DIP2C: variants seen among roughly 807,000 people sequenced by gnomAD.
DIP2C encodes the protein DIP2 acetate--CoA ligase C (putative).
Under a neutral mutation model 192.4 loss-of-function variants are expected in DIP2C, and 33 were observed. That is an observed-to-expected ratio of 0.17 (90% CI 0.13 to 0.23). The LOEUF (loss-of-function observed/expected upper bound fraction) is 0.23, where lower values mean the gene tolerates loss of function less well. Ranked by LOEUF, DIP2C falls within the 10% of genes least tolerant of loss-of-function variation. The pLI is 1.00. For missense variants in DIP2C, 1,537 were observed against 2,110.1 expected (o/e 0.73, Z 5.32); for synonymous variants, 979 against 864.1 (o/e 1.13, Z -2.33).
At chr10:615,854 A>C (rs1853437847) in intron 1 of DIP2C, among the ~76,000 whole-genome samples, 1 of 152,184 alleles carries the variant, frequency 6.6e-6, no homozygotes, top group African/African-American at 2.4e-5. Context: ...GGGCTTTAGG[A>C]AACGACACGC....
At chr10:657,204 G>A (rs1370494148) in intron 1 of DIP2C, among the ~76,000 whole-genome samples, 6 of 116,578 alleles carry the variant, frequency 5.1e-5, no homozygotes, top group Admixed American at 9.1e-5. Context: ...TGGACCTGCC[G>A]CTGGACTTGA....
At chr10:535,838 T>G (rs1281042963) in intron 1 of DIP2C, among the ~76,000 whole-genome samples, 1 of 152,242 alleles carries the variant, frequency 6.6e-6, no homozygotes, top group East Asian at 1.9e-4. Flanking sequence ...TCACATTTGC[T>G]CTTGCAGTGT....
chr10:484,696 G>T, intron 2 of DIP2C: 1 of 1,499,590 alleles, frequency 6.7e-7, no homozygotes, highest in South Asian at 1.3e-5. Flanking sequence ...CACCCTACAC[G>T]TCTGTACGGG....
At chr10:663,211 A>T (rs1453920721) in intron 1 of DIP2C, 3 of 349,736 alleles carry the variant, frequency 8.6e-6, no homozygotes, top group Non-Finnish European at 1.5e-5. Flanking sequence ...ATGGTACAAG[A>T]AAGCAAGGAT....
At chr10:463,307 G>C (rs892501879) in intron 3 of DIP2C, among the ~76,000 whole-genome samples, 1 of 152,076 alleles carries the variant, frequency 6.6e-6, no homozygotes, top group African/African-American at 2.4e-5. Context: ...AAAGTCTCAG[G>C]ATACAAAATC....
At chr10:515,757 G>A (rs1462518715) in intron 1 of DIP2C, among the ~76,000 whole-genome samples, 2 of 151,994 alleles carry the variant, frequency 1.3e-5, no homozygotes, top group African/African-American at 4.8e-5. Context: ...AAAGCCTTCA[G>A]AAAAAGCTAT....
chr10:403,649 T>C (rs1964578864), intron 9 of DIP2C, among the ~76,000 whole-genome samples: 1 of 137,160 alleles, frequency 7.3e-6, no homozygotes, highest in Non-Finnish European at 1.6e-5. Context: ...TATGGACAAG[T>C]TTGGTATGTG....
chr10:546,871 T>C (rs1848311335), intron 1 of DIP2C, among the ~76,000 whole-genome samples: 1 of 152,262 alleles, frequency 6.6e-6, no homozygotes, highest in Non-Finnish European at 1.5e-5. Context: ...TAATATTCAC[T>C]GGAAAGCTCC....
Position 625,506 on chromosome 10 carries a change from C to T in DIP2C, c.85+63988G>A, listed in dbSNP as rs368631317. Among the ~76,000 whole-genome samples the T allele has an allele frequency of 1.0e-3, 157 of 152,196 alleles. 1 individual carries two copies. Among genetic ancestry groups the T allele is most frequent in the African/African-American group, 3.0e-3 (124 of 41,526 alleles). The stretch of plus-strand genomic sequence containing the variant: ...CTCTGCCTTTCTGCAGGCTCCCCTA[C>T]GGGGAGCCTGCCCTGTGGCCTCGGT... On this transcript the variant is annotated intron_variant, in intron 1 of 36. Transcript: ENST00000280886.
intron 1 of DIP2C, among the ~76,000 whole-genome samples, chr10:568,782 AAAAAAAAAAAAAAAAAC>A (rs1236539282): frequency 2.4e-4 from 35 of 146,644 alleles, no homozygotes; most frequent in Non-Finnish European, 3.4e-4. Flanking sequence ...AAAAAAAAAA[AAAAAAAAAAAAAAAAAC>A]CTTCACTTGA....
At chr10:467,144 CAAT>C (rs1295734808) in intron 3 of DIP2C, among the ~76,000 whole-genome samples, 8 of 151,992 alleles carry the variant, frequency 5.3e-5, no homozygotes, top group African/African-American at 1.7e-4. Flanking sequence ...AAATGTCCAA[CAAT>C]GATAGACTGG....
chr10:680,094 T>A (rs1831077526), intron 1 of DIP2C, among the ~76,000 whole-genome samples: 1 of 152,032 alleles, frequency 6.6e-6, no homozygotes, highest in South Asian at 2.1e-4. Context: ...CCCAGCCCGG[T>A]CCCACAGCCA....
chr10:309,998 GA>G, intron 32 of DIP2C, 32 bp downstream of exon 32: 1 of 1,607,230 alleles, frequency 6.2e-7, no homozygotes, highest in South Asian at 1.1e-5. Context: ...ACAAAAAAAG[GA>G]AAAAAAGAAA....
In DIP2C at chr10:274,643, C is replaced by A. The variant is rs1190294184; in HGVS notation, c.*2682G>T. ...AGTTTCTCTAACCAGTCACCACACT[C>A]TGAAATAACGCTGCTAACATTCAAC... On this transcript the variant is annotated 3_prime_UTR_variant, in exon 37 of 37. Coordinates refer to ENST00000280886, the MANE Select transcript of DIP2C (RefSeq NM_014974.3). 1 of 152,200 alleles carries A rather than the reference C, an allele frequency of 6.6e-6. No individual in the cohort carries two copies. The highest frequency in any genetic ancestry group is 2.4e-5 in the African/African-American group (1 of 41,436). The allele number at this position is 152,200 out of a possible 1,614,324, so 9.4% of individuals were successfully genotyped here.
rs2119126546 is a variant in DIP2C at position 689,452 on chromosome 10, C to G, written c.85+42G>C. ...CCCAGCCCTCCGCGCGCGGCCCTCC[C>G]CGGTGACAGCGCGGCCCGGCCCGGG... is the stretch of plus-strand genomic sequence containing the variant. On this transcript the variant is annotated intron_variant, in intron 1 of 36. Coordinates refer to ENST00000280886, the MANE Select transcript of DIP2C (RefSeq NM_014974.3). The surrounding 1 kb of genome is among the most constrained non-coding windows in gnomAD (Gnocchi z 6.1). 9.2e-7 allele frequency: 1 copy of G among 1,090,458 alleles called. No individual in the cohort carries two copies. Among genetic ancestry groups the G allele is most frequent in the East Asian group, 7.6e-5 (1 of 13,158 alleles). The allele number at this position is 1,090,458 out of a possible 1,614,324, so 67.5% of individuals were successfully genotyped here.
At chr10:377,380 A>C (rs1961746744) in intron 17 of DIP2C, among the ~76,000 whole-genome samples, 1 of 152,060 alleles carries the variant, frequency 6.6e-6, no homozygotes, top group Admixed American at 6.5e-5. Context: ...CATCTAATTC[A>C]CCACAAAACA....
chr10:562,814 CAG>C lies in DIP2C; in HGVS notation c.86-76286_86-76285del, dbSNP rs545277245. Among the ~76,000 whole-genome samples, 265 of 152,320 alleles carry C rather than the reference CAG, an allele frequency of 1.7e-3. 1 individual carries two copies. The highest frequency in any genetic ancestry group is 5.9e-3 in the African/African-American group (245 of 41,558). On this transcript the variant is annotated intron_variant, in intron 1 of 36. Coordinates refer to ENST00000280886, the MANE Select transcript of DIP2C (RefSeq NM_014974.3). ...ACATTTGGAGAGGACACACTCAACA[CAG>C]AAATCCATAACATCAAACAACAGTG...
At chr10:583,183 G>C (rs1264527776) in intron 1 of DIP2C, among the ~76,000 whole-genome samples, 4 of 152,206 alleles carry the variant, frequency 2.6e-5, no homozygotes, top group Non-Finnish European at 4.4e-5. Flanking sequence ...ATAGGAAAAA[G>C]AACGTTGTAC....
At chr10:484,781 C>T (rs1426483338) in intron 2 of DIP2C, 6 of 1,610,348 alleles carry the variant, frequency 3.7e-6, no homozygotes, top group Non-Finnish European at 5.1e-6. Flanking sequence ...CAGCGCTCAC[C>T]GAAACGAAAG....
Sources: allele counts gnomAD v4.1 joint callset (sites outside exome capture counted in the v4.1 genomes callset), GRCh38; gene constraint gnomAD v4.1.1; non-coding constraint Gnocchi (gnomAD v3.1); transcripts MANE v1.5; gene names NCBI Gene and HGNC (gene_info 2026-07-23, HGNC 2026-07-21).